The following MGAT4C variants were observed in gnomAD, a reference collection of about 807,000 sequenced individuals.
The protein encoded by MGAT4C is MGAT4 family member C, also known as alpha-1,3-mannosyl-glycoprotein 4-beta-N-acetylglucosaminyltransferase C.
MGAT4C carries 19 observed loss-of-function variants against 40.1 expected under a neutral mutation model. The ratio of observed to expected loss-of-function variants is 0.47; its 90% CI spans 0.33 to 0.70. MGAT4C has a LOEUF of 0.70. MGAT4C is among the 30% of genes least tolerant of loss of function. MGAT4C has a pLI of 0.02. For synonymous variants in MGAT4C, 181 were observed against 187.1 expected (o/e 0.97, Z 0.27); for missense variants, 491 against 563.2 (o/e 0.87, Z 1.30).
chr12:86,675,430 TGCCTCTAACA>T (rs1366641104), intron 2 of MGAT4C, among the ~76,000 whole-genome samples: 1 of 152,200 alleles, frequency 6.6e-6, no homozygotes, highest in African/African-American at 2.4e-5. Flanking sequence ...TCATCCCGTT[TGCCTCTAACA>T]GCCTCTGCTC....
At chr12:86,820,794 T>A (rs1464659496) in intron 1 of MGAT4C, among the ~76,000 whole-genome samples, 3 of 150,876 alleles carry the variant, frequency 2.0e-5, no homozygotes. Context: ...GAAATAGATA[T>A]ATAATGTTGA....
rs953164136 is a variant in MGAT4C at position 86,144,971 on chromosome 12, G to GAAAAC, written c.-56-95253_-56-95249dup. Among the ~76,000 whole-genome samples, 9 of 151,678 alleles carry GAAAAC rather than the reference G, an allele frequency of 5.9e-5. No homozygotes were observed. In the South Asian group the frequency reaches 1.0e-3, roughly 18 times the overall value. The stretch of plus-strand genomic sequence containing the variant: ...CTTGCACCAAGTGGTTATTTTGCAG[G>GAAAAC]AAAACAAAACAAAACAAAAAAAATA... On this transcript the variant is annotated intron_variant, in intron 1 of 4. Transcript: ENST00000611864.
intron 1 of MGAT4C, among the ~76,000 whole-genome samples, chr12:86,180,604 C>A (rs563886527): frequency 6.6e-6 from 1 of 152,312 alleles, no homozygotes; most frequent in African/African-American, 2.4e-5. Flanking sequence ...GGATGTGAGA[C>A]CTGGAGTCAA....
chr12:86,171,705 A>C (rs1360556663), intron 1 of MGAT4C, among the ~76,000 whole-genome samples: 1 of 152,188 alleles, frequency 6.6e-6, no homozygotes, highest in Non-Finnish European at 1.5e-5. Flanking sequence ...CACATTACCA[A>C]GTCATAATTA....
At chr12:86,382,842 G>T (rs942670230) in intron 3 of MGAT4C, among the ~76,000 whole-genome samples, 1 of 152,216 alleles carries the variant, frequency 6.6e-6, no homozygotes, top group Non-Finnish European at 1.5e-5. Context: ...TCATGAATTG[G>T]GGTTTGGGAG....
At chr12:86,725,671 C>T (rs952209700) in intron 2 of MGAT4C, among the ~76,000 whole-genome samples, 1 of 152,040 alleles carries the variant, frequency 6.6e-6, no homozygotes, top group Non-Finnish European at 1.5e-5. Flanking sequence ...CCGTGTTGTC[C>T]AGGCTGGTCT....
chr12:86,538,309 G>A (rs1959108259), intron 2 of MGAT4C, among the ~76,000 whole-genome samples: 1 of 152,082 alleles, frequency 6.6e-6, no homozygotes, highest in African/African-American at 2.4e-5. Context: ...AGCATTTTGA[G>A]AAACATTATT....
At chr12:86,092,903 C>G (rs901555916) in intron 1 of MGAT4C, among the ~76,000 whole-genome samples, 1 of 151,854 alleles carries the variant, frequency 6.6e-6, no homozygotes, top group African/African-American at 2.4e-5. Context: ...ATGTGCAGAA[C>G]GTGCAGGTTT....
intron 1 of MGAT4C, among the ~76,000 whole-genome samples, chr12:86,791,003 A>T (rs2136192800): frequency 6.6e-6 from 1 of 152,280 alleles, no homozygotes; most frequent in African/African-American, 2.4e-5. Flanking sequence ...TGCCAGAAAA[A>T]TAAGCCTGAA....
chr12:86,518,098 C>T (rs1304670580), intron 2 of MGAT4C, among the ~76,000 whole-genome samples: 1 of 152,076 alleles, frequency 6.6e-6, no homozygotes, highest in Non-Finnish European at 1.5e-5. Flanking sequence ...GAAGTGAATC[C>T]TAAAAACTGT....
intron 3 of MGAT4C, among the ~76,000 whole-genome samples, chr12:86,380,742 C>A (rs772555661): frequency 2.0e-5 from 3 of 152,186 alleles, no homozygotes; most frequent in African/African-American, 7.2e-5. Flanking sequence ...ACATTTTATT[C>A]AAAAATATGC....
intron 3 of MGAT4C, among the ~76,000 whole-genome samples, chr12:86,348,460 G>A (rs1377033188): frequency 6.6e-6 from 1 of 151,378 alleles, no homozygotes; most frequent in Non-Finnish European, 1.5e-5. Flanking sequence ...TTGTTGCTAT[G>A]CATTTCTCTT....
intron 3 of MGAT4C, among the ~76,000 whole-genome samples, chr12:86,341,652 C>G (rs1954907352): frequency 6.6e-6 from 1 of 152,124 alleles, no homozygotes; most frequent in Non-Finnish European, 1.5e-5. Flanking sequence ...CTTTGCTGTT[C>G]AGGAGCCTTT....
At chr12:86,271,655 G>T (rs1490268756) in intron 4 of MGAT4C, among the ~76,000 whole-genome samples, 1 of 152,096 alleles carries the variant, frequency 6.6e-6, no homozygotes, top group Non-Finnish European at 1.5e-5. Flanking sequence ...TTGGGTATCG[G>T]TCTGAACAAA....
chr12:86,485,559 A>G (rs1181284064), intron 2 of MGAT4C, among the ~76,000 whole-genome samples: 1 of 152,180 alleles, frequency 6.6e-6, no homozygotes, highest in Non-Finnish European at 1.5e-5. Flanking sequence ...AATGAACAAA[A>G]TCTTCAAGAA....
intron 2 of MGAT4C, among the ~76,000 whole-genome samples, chr12:85,994,601 G>GT (rs1364911377): frequency 1.4e-5 from 2 of 146,748 alleles, no homozygotes; most frequent in Non-Finnish European, 3.0e-5. Context: ...GTTTAGGAAA[G>GT]TTTTTAAAAA....
intron 2 of MGAT4C, among the ~76,000 whole-genome samples, chr12:85,989,896 A>G (rs1193942022): frequency 1.3e-5 from 2 of 152,128 alleles, no homozygotes; most frequent in African/African-American, 4.8e-5. Flanking sequence ...GTCCACTGTC[A>G]TCAGTGAGGT....
intron 1 of MGAT4C, among the ~76,000 whole-genome samples, chr12:86,250,444 A>G (rs928343337): frequency 4.6e-5 from 7 of 152,094 alleles, no homozygotes; most frequent in African/African-American, 7.2e-5. Flanking sequence ...GTAAAGAAGA[A>G]CTGAAAAACT....
rs118006461 is a variant in MGAT4C at position 86,761,711 on chromosome 12, T to C, written c.-261-34470A>G. 3.7e-3 allele frequency among the ~76,000 whole-genome samples: 566 copies of C among 152,264 alleles called. 2 individuals carry two copies. The highest frequency in any genetic ancestry group is 5.5e-3 in the Non-Finnish European group (377 of 68,034). On this transcript the variant is annotated intron_variant, in intron 1 of 7. Coordinates refer to the MGAT4C transcript ENST00000548651. ...AACTTCTAGTGGCCACCTGTATTCC[T>C]TGGCTTGTGGCTACTTCCTCCATTT...
Sources: gnomAD v4.1 joint callset for allele counts (sites outside exome capture counted in the v4.1 genomes callset) on GRCh38, gnomAD v4.1.1 for gene constraint, MANE v1.5 for transcripts, NCBI Gene and HGNC (gene_info 2026-07-23, HGNC 2026-07-21) for gene names.